CD36: variants seen among roughly 807,000 people sequenced by gnomAD.
The protein encoded by CD36 is CD36 molecule (CD36 blood group), also known as platelet glycoprotein 4.
In CD36, 119 loss-of-function variants were observed where a neutral mutation model predicts 55.2. The ratio of observed to expected loss-of-function variants is 2.15; its 90% CI spans 1.86 to 2.51. The LOEUF (loss-of-function observed/expected upper bound fraction) is 2.51, where lower values mean the gene tolerates loss of function less well. Ranked by LOEUF, CD36 falls within the 30% of genes most tolerant of loss-of-function variation. CD36 has a pLI of 0.00. For synonymous variants in CD36, 186 were observed against 193.6 expected (o/e 0.96, Z 0.33); for missense variants, 819 against 555.5 (o/e 1.47, Z -4.77).
chr7:80,675,200 G>A (rs1225799570), intron 14 of CD36, among the ~76,000 whole-genome samples: 1 of 151,982 alleles, frequency 6.6e-6, no homozygotes, highest in Admixed American at 6.6e-5. Flanking sequence ...GCTTCAAAAT[G>A]CTAGCCTAAA....
rs981228197 is a variant in CD36 at position 80,671,990 on chromosome 7, G to A, written c.1075G>A (p.Gly359Arg). Reference protein sequence around the residue: ...ASPDVSEPIDGLNPNEEEHRT... With the variant: ...ASPDVSEPIDRLNPNEEEHRT... ...TCCTGATGTTTCAGAACCTATTGAT[G>A]GATTAAACCCAAATGAAGAAGAACA... is the stretch of plus-strand genomic sequence containing the variant. Residue 359 changes from glycine to arginine, a missense_variant, in exon 11 of 15, where the codon GGA becomes AGA. Gly to Arg is a moderately radical substitution (Grantham distance 125). Coordinates refer to ENST00000447544, the MANE Select transcript of CD36 (RefSeq NM_001001548.3). 1.2e-6 allele frequency: 2 copies of A among 1,608,540 alleles called. No individual in the cohort carries two copies. Among genetic ancestry groups the A allele is most frequent in the Non-Finnish European group, 1.7e-6 (2 of 1,175,832 alleles).
chr7:80,607,091 T>G (rs1792595087), intron 1 of CD36, among the ~76,000 whole-genome samples: 1 of 152,178 alleles, frequency 6.6e-6, no homozygotes, highest in Non-Finnish European at 1.5e-5. Context: ...ATGCTTACTA[T>G]AATTCCTCCC....
At chr7:80,608,727 T>A (rs548426148) in intron 1 of CD36, among the ~76,000 whole-genome samples, 2 of 152,286 alleles carry the variant, frequency 1.3e-5, no homozygotes, top group African/African-American at 4.8e-5. Context: ...CCCCTAAAAC[T>A]GGTCCTATGT....
intron 1 of CD36, among the ~76,000 whole-genome samples, chr7:80,631,327 A>G (rs949896099): frequency 6.6e-6 from 1 of 152,048 alleles, no homozygotes; most frequent in African/African-American, 2.4e-5. Flanking sequence ...CTAAACCTAC[A>G]TAGGAGAGTT....
rs1205646771 is a variant in CD36, at chr7:80,678,129, G to A, written c.*1746G>A. The A allele has an allele frequency of 1.3e-5, 2 of 152,036 alleles. No homozygotes were observed. The highest frequency in any genetic ancestry group is 3.9e-4 in the East Asian group (2 of 5,152). 9.4% of individuals were successfully genotyped at this position (152,036 alleles called of 1,614,324 possible). On this transcript the variant is annotated 3_prime_UTR_variant, in exon 15 of 15. Transcript: ENST00000447544. ...TGTGTGTGTGCACATATGCACTGTG[G>A]TGGGAGTGGGGCAACTTGGGGAATA...
At chr7:80,658,787 T>G (rs1382594546) in intron 4 of CD36, among the ~76,000 whole-genome samples, 2 of 152,166 alleles carry the variant, frequency 1.3e-5, no homozygotes, top group East Asian at 3.9e-4. Flanking sequence ...TGACCCACCA[T>G]GCCCGACCAT....
At chr7:80,657,165 A>G (rs1796158251) in intron 4 of CD36, among the ~76,000 whole-genome samples, 1 of 152,160 alleles carries the variant, frequency 6.6e-6, no homozygotes, top group African/African-American at 2.4e-5. Flanking sequence ...CAGCTGCATC[A>G]GCATTAACAG....
chr7:80,635,857 A>G (rs1004779812), upstream of CD36, among the ~76,000 whole-genome samples: 1 of 152,078 alleles, frequency 6.6e-6, no homozygotes, highest in Non-Finnish European at 1.5e-5. Flanking sequence ...CATTCTCACT[A>G]CTTGTAAAGC....
chr7:80,672,172 G>A, intron 11 of CD36, 132 bp downstream of exon 11: 3 of 753,146 alleles, frequency 4.0e-6, no homozygotes, highest in Non-Finnish European at 6.4e-6. Context: ...GAAAGTTACT[G>A]AAACTTAGGT....
chr7:80,646,730 G>A lies in CD36; in HGVS notation c.-11G>A. ...GGTGCTTAACACTAATTCACCTCCT[G>A]AACAAGAAAAATGGGCTGTGACCGG... On this transcript the variant is annotated 5_prime_UTR_variant, in exon 3 of 15. Coordinates refer to ENST00000447544, the MANE Select transcript of CD36 (RefSeq NM_001001548.3). The A allele has an allele frequency of 6.2e-7, 1 of 1,613,812 alleles. No individual in the cohort carries two copies. The highest frequency in any genetic ancestry group is 1.3e-5 in the African/African-American group (1 of 75,010).
intron 4 of CD36, 66 bp from the exon 5 acceptor site, chr7:80,660,997 G>A: frequency 1.7e-6 from 2 of 1,145,978 alleles, no homozygotes; most frequent in Non-Finnish European, 2.7e-6. Context: ...TTGAATGAAT[G>A]ACATTTGAGA....
In CD36 at chr7:80,604,350, A is replaced by ATTTTTTTTTTT. The variant is rs67213422; in HGVS notation, c.-184+2001_-184+2011dup. ...TACAGTAATTGGCTAAGCCACTGGA[A>ATTTTTTTTTTT]TTTTTTTTTTTTTTTTTTTTTTTTT... On this transcript the variant is annotated intron_variant, in intron 1 of 13. Coordinates refer to the CD36 transcript ENST00000309881. Among the ~76,000 whole-genome samples the ATTTTTTTTTTT allele has an allele frequency of 2.0e-3, 109 of 54,284 alleles. 22 individuals carry two copies. Among genetic ancestry groups the ATTTTTTTTTTT allele is most frequent in the East Asian group, 5.9e-3 (15 of 2,562 alleles). 35.6% of individuals were successfully genotyped at this position (54,284 alleles called of 152,430 possible). A position where few individuals can be genotyped will look rare whatever the true frequency, so the allele number is the denominator to read the frequency against.
intron 14 of CD36, chr7:80,674,527 A>G (rs56225917): frequency 4.2e-5 from 10 of 240,024 alleles, no homozygotes; most frequent in Non-Finnish European, 7.4e-5. Context: ...GCATGTAGAC[A>G]TGCTGGCCGT....
chr7:80,645,756 T>A (rs537710189), intron 1 of CD36, among the ~76,000 whole-genome samples: 11 of 152,170 alleles, frequency 7.2e-5, no homozygotes, highest in Admixed American at 2.0e-4. Flanking sequence ...CAAACTATAT[T>A]GTAGTTGAAT....
Position 80,669,831 on chromosome 7 carries a change from C to CT in CD36, c.749-121dup, listed in dbSNP as rs1236861512. ...TTTTTACCTTTTAAAAATGTGGCTGCTAGATAAATTACTTAGGCAGTTTGC... is the reference window on the plus strand; with the variant it reads ...TTTTTACCTTTTAAAAATGTGGCTGCTTAGATAAATTACTTAGGCAGTTTGC... On this transcript the variant is annotated intron_variant, in intron 8 of 14. Transcript: ENST00000447544. The CT allele has an allele frequency of 2.9e-5, 22 of 770,014 alleles. No individual in the cohort carries two copies. The Admixed American group carries it at 3.7e-4, about 13-fold the overall frequency. 47.7% of individuals were successfully genotyped at this position (770,014 alleles called of 1,614,324 possible).
chr7:80,673,057 CTTATT>C (rs1161592882), intron 12 of CD36: 23 of 550,134 alleles, frequency 4.2e-5, no homozygotes, highest in East Asian at 8.9e-5. Context: ...GATAGCATCT[CTTATT>C]TTGTTAGCTG....
chr7:80,668,530 T>C (rs1797340001), intron 8 of CD36, among the ~76,000 whole-genome samples: 1 of 152,242 alleles, frequency 6.6e-6, no homozygotes, highest in Admixed American at 6.5e-5. Flanking sequence ...ACATTTAGAA[T>C]GTTTCTTTTG....
At chr7:80,673,539 T>C (rs1454098169) in intron 13 of CD36, 130 bp downstream of exon 13, 5 of 697,966 alleles carry the variant, frequency 7.2e-6, no homozygotes, top group Non-Finnish European at 1.3e-5. Context: ...TGAGTATACA[T>C]TTATTTAACC....
chr7:80,650,845 A>G (rs1304575368), intron 3 of CD36, among the ~76,000 whole-genome samples: 6 of 151,452 alleles, frequency 4.0e-5, no homozygotes, highest in Non-Finnish European at 8.8e-5. Context: ...TTTATGGATT[A>G]TAGCTGCAAT....
Sources: allele counts gnomAD v4.1 joint callset (sites outside exome capture counted in the v4.1 genomes callset), GRCh38; gene constraint gnomAD v4.1.1; transcripts MANE v1.5; gene names NCBI Gene and HGNC (gene_info 2026-07-23, HGNC 2026-07-21).